ZNF33A: variants seen among roughly 807,000 people sequenced by gnomAD.
ZNF33A encodes the protein brain my041 protein.
ZNF33A carries 9 observed loss-of-function variants against 15.9 expected under a neutral mutation model. The ratio of observed to expected loss-of-function variants is 0.57; its 90% CI spans 0.34 to 0.99. ZNF33A has a LOEUF of 0.99. Ranked by LOEUF, ZNF33A falls within the 50% of genes least tolerant of loss-of-function variation. ZNF33A has a pLI of 0.02. For missense variants in ZNF33A, 843 were observed against 941.6 expected (o/e 0.90, Z 1.37); for synonymous variants, 294 against 324.2 (o/e 0.91, Z 1.00).
chr10:38,013,267 C>A (rs982464246), intron 2 of ZNF33A, among the ~76,000 whole-genome samples: 6 of 145,736 alleles, frequency 4.1e-5, no homozygotes, highest in Admixed American at 4.1e-4. Flanking sequence ...TGCGCCACCA[C>A]ACCTGGCTAA....
rs2065225730 is a variant in ZNF33A, at chr10:38,031,833, C to T, written c.250+14447C>T. ...AAAAAATTAGCCAGGCGTGATGGTG[C>T]ACTCCTGTAGTCCCAGCTACTCGGG... On this transcript the variant is annotated intron_variant, in intron 4 of 4. Coordinates refer to ENST00000432900, the MANE Select transcript of ZNF33A (RefSeq NM_006954.2). 2.6e-5 allele frequency among the ~76,000 whole-genome samples: 4 copies of T among 151,968 alleles called. No homozygotes were observed. In the South Asian group the frequency reaches 8.3e-4, roughly 32 times the overall value.
At chr10:38,037,048 CTT>C (rs752097271) in intron 4 of ZNF33A, among the ~76,000 whole-genome samples, 2 of 152,044 alleles carry the variant, frequency 1.3e-5, no homozygotes, top group Non-Finnish European at 2.9e-5. Flanking sequence ...ATTTTATTGT[CTT>C]TGTTCTTGGT....
chr10:38,012,680 C>G (rs1043295343), intron 2 of ZNF33A, among the ~76,000 whole-genome samples: 2 of 152,106 alleles, frequency 1.3e-5, no homozygotes, highest in African/African-American at 4.8e-5. Context: ...AATCCGCCCG[C>G]CTTGGTCTCC....
intron 4 of ZNF33A, among the ~76,000 whole-genome samples, chr10:38,032,771 A>C (rs374872424): frequency 2.7e-5 from 4 of 150,536 alleles, no homozygotes; most frequent in African/African-American, 9.8e-5. Flanking sequence ...TTTTTGAGAC[A>C]GAATCTTACT....
Position 38,060,079 on chromosome 10 carries a change from T to G in ZNF33A, c.*3519T>G, listed in dbSNP as rs1055054277. 1.0e-6 allele frequency: 1 copy of G among 985,308 alleles called. No homozygotes were observed. The highest frequency in any genetic ancestry group is 1.2e-6 in the Non-Finnish European group (1 of 829,912). The allele number at this position is 985,308 out of a possible 1,614,324, so 61.0% of individuals were successfully genotyped here. A position where few individuals can be genotyped will look rare whatever the true frequency, so the allele number is the denominator to read the frequency against. Reference sequence around the variant, plus strand: ...AACCCTGAGGAACATCTTGTTTCTGTACTAAGGTGTTCTTTTGTTAGTTGT... The same window carrying G: ...AACCCTGAGGAACATCTTGTTTCTGGACTAAGGTGTTCTTTTGTTAGTTGT... On this transcript the variant is annotated 3_prime_UTR_variant, in exon 5 of 5. Transcript: ENST00000432900.
At chr10:38,062,746 G>A (rs1823846086), downstream of ZNF33A, among the ~76,000 whole-genome samples, 2 of 151,976 alleles carry the variant, frequency 1.3e-5, no homozygotes, top group African/African-American at 2.4e-5. Context: ...GCTCACACCT[G>A]TAATCCCAGC....
At chr10:38,038,283 G>C (rs1289744287) in intron 4 of ZNF33A, among the ~76,000 whole-genome samples, 1 of 152,044 alleles carries the variant, frequency 6.6e-6, no homozygotes, top group Non-Finnish European at 1.5e-5. Flanking sequence ...TGTATTTTTA[G>C]TATAGATGAG....
At chr10:38,039,198 G>GT (rs2065585631) in intron 4 of ZNF33A, among the ~76,000 whole-genome samples, 1 of 133,514 alleles carries the variant, frequency 7.5e-6, no homozygotes, top group African/African-American at 2.8e-5. Flanking sequence ...TTTTTTTTTT[G>GT]TTTTTGTAAT....
At chr10:38,032,155 A>C (rs1271168580) in intron 4 of ZNF33A, among the ~76,000 whole-genome samples, 4 of 152,110 alleles carry the variant, frequency 2.6e-5, no homozygotes, top group Non-Finnish European at 4.4e-5. Flanking sequence ...GGGAAGTCAA[A>C]TTGTCATTTT....
rs1405339360 is a variant in ZNF33A, at chr10:38,059,817, C to G, written c.*3257C>G. 1 of 152,506 alleles carries G rather than the reference C, an allele frequency of 6.6e-6. No individual in the cohort carries two copies. The highest frequency in any genetic ancestry group is 1.5e-5 in the Non-Finnish European group (1 of 68,362). 9.4% of individuals were successfully genotyped at this position (152,506 alleles called of 1,614,324 possible). A position where few individuals can be genotyped will look rare whatever the true frequency, so the allele number is the denominator to read the frequency against. On this transcript the variant is annotated 3_prime_UTR_variant, in exon 5 of 5. Transcript: ENST00000432900. ...AATGGAAAACAGTGAACGGAAAACACAGAGTAAACCCTAATGTCAACTCTG... is the reference window on the plus strand; with the variant it reads ...AATGGAAAACAGTGAACGGAAAACAGAGAGTAAACCCTAATGTCAACTCTG...
chr10:38,053,996 T>C (rs1784737275), intron 4 of ZNF33A, among the ~76,000 whole-genome samples: 1 of 152,238 alleles, frequency 6.6e-6, no homozygotes, highest in South Asian at 2.1e-4. Context: ...CTCCTAGTTA[T>C]GTTAAAGTCA....
chr10:38,052,291 T>C (rs181289345), intron 4 of ZNF33A, among the ~76,000 whole-genome samples: 2 of 152,162 alleles, frequency 1.3e-5, no homozygotes, highest in African/African-American at 4.8e-5. Context: ...GAGAAAAATA[T>C]GTAAAAATGA....
At chr10:38,027,257 A>G (rs1363438647) in intron 4 of ZNF33A, among the ~76,000 whole-genome samples, 1 of 151,868 alleles carries the variant, frequency 6.6e-6, no homozygotes, top group African/African-American at 2.4e-5. Context: ...TCCTCTTAAT[A>G]TACCATTAAA....
Position 38,016,917 on chromosome 10 carries a change from T to TG in ZNF33A, c.59dup (p.Phe21LeufsTer12), listed in dbSNP as rs1564833841. The TG allele has an allele frequency of 6.2e-7, 1 of 1,614,114 alleles. No individual in the cohort carries two copies. ...TCAGTATCATTTAAAGATGTGACTG[T>TG]GGGCTTCACCCAGGAGGAGTGGCAG... On this transcript the variant is annotated frameshift_variant, in exon 3 of 5. Coordinates refer to ENST00000432900, the MANE Select transcript of ZNF33A (RefSeq NM_006954.2). LOFTEE classifies it high-confidence loss of function.
chr10:38,030,954 C>T (rs756130369), intron 4 of ZNF33A, among the ~76,000 whole-genome samples: 4 of 152,096 alleles, frequency 2.6e-5, no homozygotes, highest in Non-Finnish European at 5.9e-5. Flanking sequence ...AGAACTGATT[C>T]GTGGTTGCCA....
rs185601378 is a variant in ZNF33A at position 38,034,295 on chromosome 10, C to G, written c.250+16909C>G. On this transcript the variant is annotated intron_variant, in intron 4 of 4. Coordinates refer to ENST00000432900, the MANE Select transcript of ZNF33A (RefSeq NM_006954.2). ...TGTTCCAGGATCCCTTCCAGGGCAC[C>G]ATATTACATTTAGTTGTCATGTCTC... Among the ~76,000 whole-genome samples the G allele has an allele frequency of 1.7e-3, 254 of 152,254 alleles. 2 individuals are homozygous for G. The highest frequency in any genetic ancestry group is 2.7e-3 in the Non-Finnish European group (182 of 68,030).
intron 4 of ZNF33A, among the ~76,000 whole-genome samples, chr10:38,018,470 A>G (rs1187880001): frequency 2.0e-5 from 3 of 152,242 alleles, no homozygotes; most frequent in Non-Finnish European, 2.9e-5. Flanking sequence ...AGACAGCTAG[A>G]GTCCAAAGGT....
At chr10:38,050,759 A>T in intron 4 of ZNF33A, among the ~76,000 whole-genome samples, 1 of 152,224 alleles carries the variant, frequency 6.6e-6, no homozygotes, top group Non-Finnish European at 1.5e-5. Flanking sequence ...TGTCCCTCTG[A>T]CATTCTTAGG....
chr10:38,013,638 T>C (rs1410668971), intron 2 of ZNF33A, among the ~76,000 whole-genome samples: 1 of 151,996 alleles, frequency 6.6e-6, no homozygotes, highest in Non-Finnish European at 1.5e-5. Context: ...TTTGTATTTT[T>C]AGTAGAGACG....
Sources: allele counts gnomAD v4.1 joint callset (sites outside exome capture counted in the v4.1 genomes callset), GRCh38; gene constraint gnomAD v4.1.1; transcripts MANE v1.5; gene names NCBI Gene and HGNC (gene_info 2026-07-23, HGNC 2026-07-21).